GCNT1: variants seen among roughly 807,000 people sequenced by gnomAD.
The protein encoded by GCNT1 is beta-1,3-galactosyl-O-glycosyl-glycoprotein beta-1,6-N-acetylglucosaminyltransferase.
GCNT1 carries 16 observed loss-of-function variants against 26.2 expected under a neutral mutation model. That is an observed-to-expected ratio of 0.61 (90% CI 0.41 to 0.93). The LOEUF is 0.93. Among genes scored for constraint, GCNT1 ranks in the 40% least tolerant of loss-of-function variants. GCNT1 has a pLI of 0.00. For synonymous variants in GCNT1, 183 were observed against 190.8 expected (o/e 0.96, Z 0.34); for missense variants, 477 against 526.7 (o/e 0.91, Z 0.92).
chr9:76,412,303 G>A, the GCNT1 span, among the ~76,000 whole-genome samples: 1 of 152,226 alleles, frequency 6.6e-6, no homozygotes, highest in Admixed American at 6.5e-5. Flanking sequence ...TGTTATGTTA[G>A]ACCAATTAAA....
At chr9:76,405,288 A>AACACACACACACACACACAC in the GCNT1 span, among the ~76,000 whole-genome samples, 11 of 149,642 alleles carry the variant, frequency 7.4e-5, no homozygotes, top group African/African-American at 2.7e-4. Flanking sequence ...CCTGACCTTC[A>AACACACACACACACACACAC]ACACACACAC....
the GCNT1 span, among the ~76,000 whole-genome samples, chr9:76,412,659 C>T: frequency 6.6e-6 from 1 of 152,168 alleles, no homozygotes; most frequent in Admixed American, 6.5e-5. Flanking sequence ...TTAATTTTCT[C>T]ATATTGGAAA....
chr9:76,439,327 T>C (rs1474079996), upstream of GCNT1, among the ~76,000 whole-genome samples: 2 of 148,312 alleles, frequency 1.3e-5, no homozygotes, highest in African/African-American at 5.0e-5. Flanking sequence ...CAGGTTCAAG[T>C]GATCCCTCCA....
chr9:76,468,422 G>A (rs1360177369), intron 2 of GCNT1, among the ~76,000 whole-genome samples: 2 of 152,164 alleles, frequency 1.3e-5, no homozygotes, highest in African/African-American at 4.8e-5. Flanking sequence ...GGTGATAGGT[G>A]TACTGAGATA....
intron 2 of GCNT1, among the ~76,000 whole-genome samples, chr9:76,472,281 T>G (rs73449890): frequency 0.027 from 4,154 of 152,118 alleles, 172 homozygotes; most frequent in African/African-American, 0.095. Context: ...AGACTTTGTC[T>G]CAAAGAAAAA....
the GCNT1 span, among the ~76,000 whole-genome samples, chr9:76,401,629 C>T: frequency 1.3e-5 from 2 of 152,140 alleles, no homozygotes; most frequent in African/African-American, 4.8e-5. Context: ...AAAGCAAGAG[C>T]AAACATGTTT....
intron 2 of GCNT1, among the ~76,000 whole-genome samples, chr9:76,475,878 TAAC>T (rs1824243390): frequency 2.8e-5 from 2 of 72,204 alleles, no homozygotes; most frequent in African/African-American, 1.8e-4. Context: ...ATTTAGGAAG[TAAC>T]TAACATAGGC....
chr9:76,423,253 C>T (rs544746585), intron 1 of GCNT1, among the ~76,000 whole-genome samples: 9 of 152,262 alleles, frequency 5.9e-5, no homozygotes, highest in African/African-American at 2.2e-4. Context: ...AACTTAATCC[C>T]TAATGATGCA....
the GCNT1 span, chr9:76,399,539 A>G: frequency 1.9e-6 from 3 of 1,566,850 alleles, no homozygotes; most frequent in South Asian, 1.1e-5. Flanking sequence ...TGCAGCTCCC[A>G]CTGCTCAGGC....
At position 76,506,938 on chromosome 9, in the gene GCNT1, A is replaced by C. The variant is rs1564251876; in HGVS notation, c.*3270A>C. 1 of 167,076 alleles carries C rather than the reference A, an allele frequency of 6.0e-6. No homozygotes were observed. The highest frequency in any genetic ancestry group is 1.5e-5 in the Non-Finnish European group (1 of 68,106). 10.3% of individuals were successfully genotyped at this position (167,076 alleles called of 1,614,324 possible). ...CTCATATTAAATACAGACGCTCCTC[A>C]ACTTATGATGTGGGTAGGTCCCAGT... On this transcript the variant is annotated 3_prime_UTR_variant, in exon 4 of 4. Transcript: ENST00000376730.
chr9:76,438,918 A>G (rs1823444016), upstream of GCNT1, among the ~76,000 whole-genome samples: 1 of 152,172 alleles, frequency 6.6e-6, no homozygotes, highest in African/African-American at 2.4e-5. Context: ...AGCTTGATAG[A>G]TAGTAAGCCG....
Position 76,503,191 on chromosome 9 carries a change from G to A in GCNT1, c.810G>A (p.Gly270=). 6.2e-7 allele frequency: 1 copy of A among 1,614,166 alleles called. No homozygotes were observed. Among genetic ancestry groups the A allele is most frequent in the Non-Finnish European group, 8.5e-7 (1 of 1,180,014 alleles). Residue 270 remains glycine, a synonymous_variant, in exon 4 of 4, where the codon GGG becomes GGA. Coordinates refer to ENST00000376730, the MANE Select transcript of GCNT1 (RefSeq NM_001490.5). Reference sequence around the variant, plus strand: ...TTAATGGAAAGCTGACAAACACAGGGACTGTCAAAATGCTTCCTCCACTCG... The same window carrying A: ...TTAATGGAAAGCTGACAAACACAGGAACTGTCAAAATGCTTCCTCCACTCG... ...EVVNGKLTNT[G]TVKMLPPLET...
chr9:76,395,652 A>G, the GCNT1 span, among the ~76,000 whole-genome samples: 4 of 152,156 alleles, frequency 2.6e-5, no homozygotes, highest in Non-Finnish European at 5.9e-5. Context: ...AGGGAAAGTG[A>G]AAGGGAAGAA....
At position 76,505,076 on chromosome 9, in the gene GCNT1, T is replaced by G; in HGVS notation, c.*1408T>G. ...CGTACTTTTGCCATGTTGATACTGTTCAGCAAACAAGCTACCAGGAACTGT... is the reference window on the plus strand; with the variant it reads ...CGTACTTTTGCCATGTTGATACTGTGCAGCAAACAAGCTACCAGGAACTGT... On this transcript the variant is annotated 3_prime_UTR_variant, in exon 4 of 4. Transcript: ENST00000376730. The G allele has an allele frequency of 2.4e-6, 1 of 412,340 alleles. No individual in the cohort carries two copies. The highest frequency in any genetic ancestry group is 4.4e-6 in the Non-Finnish European group (1 of 225,942). The allele number at this position is 412,340 out of a possible 1,614,324, so 25.5% of individuals were successfully genotyped here. A position where few individuals can be genotyped will look rare whatever the true frequency, so the allele number is the denominator to read the frequency against.
At chr9:76,418,432 A>G (rs963156526), upstream of GCNT1, among the ~76,000 whole-genome samples, 1 of 152,212 alleles carries the variant, frequency 6.6e-6, no homozygotes, top group South Asian at 2.1e-4. Flanking sequence ...CTCTCTTCCC[A>G]TCATGGCTTG....
upstream of GCNT1, among the ~76,000 whole-genome samples, chr9:76,438,211 A>G (rs1823435257): frequency 6.6e-6 from 1 of 152,246 alleles, no homozygotes; most frequent in African/African-American, 2.4e-5. Flanking sequence ...GACATAATGC[A>G]TCAATCAATA....
intron 1 of GCNT1, among the ~76,000 whole-genome samples, chr9:76,443,868 TA>T (rs917478742): frequency 9.5e-6 from 1 of 105,260 alleles, no homozygotes; most frequent in African/African-American, 3.8e-5. Flanking sequence ...AGACTCTGTC[TA>T]AAAAAAGGAA....
chr9:76,416,830 G>A (rs141604106), upstream of GCNT1, among the ~76,000 whole-genome samples: 46 of 152,292 alleles, frequency 3.0e-4, no homozygotes, highest in East Asian at 3.9e-3. Flanking sequence ...AGGCTGAGGC[G>A]GGTGGATCAC....
rs564118674 is a variant in GCNT1 at position 76,426,634 on chromosome 9, C to T, written n.38+6747C>T. Among the ~76,000 whole-genome samples the T allele has an allele frequency of 3.0e-4, 45 of 152,142 alleles. No individual in the cohort carries two copies. The South Asian group carries it at 8.5e-3, about 29-fold the overall frequency. On this transcript the variant is annotated intron_variant and non_coding_transcript_variant, in intron 1 of 3. Transcript: ENST00000488136. The stretch of plus-strand genomic sequence containing the variant: ...AGAATAGGCTGGGAGTGGTGGTTCA[C>T]GCCTGTAATCCCGCACTTTGGGAGG...
Sources: allele counts gnomAD v4.1 joint callset (sites outside exome capture counted in the v4.1 genomes callset), GRCh38; gene constraint gnomAD v4.1.1; transcripts MANE v1.5; gene names NCBI Gene and HGNC (gene_info 2026-07-23, HGNC 2026-07-21).